NDST3: variants seen among roughly 807,000 people sequenced by gnomAD.
The protein encoded by NDST3 is bifunctional heparan sulfate N-deacetylase/N-sulfotransferase 3.
NDST3 carries 58 observed loss-of-function variants against 96.1 expected under a neutral mutation model. That is an observed-to-expected ratio of 0.60 (90% CI 0.49 to 0.75). The LOEUF (loss-of-function observed/expected upper bound fraction) is 0.75. Ranked by LOEUF, NDST3 falls within the 30% of genes least tolerant of loss-of-function variation. NDST3 has a pLI of 0.00. For synonymous variants in NDST3, 333 were observed against 359.7 expected, an observed-to-expected ratio of 0.93 and a Z score of 0.84; for missense variants, 788 against 1,034.2, an observed-to-expected ratio of 0.76 and a Z score of 3.27.
In NDST3 at chr4:118,054,311, A is replaced by C; in HGVS notation, c.401A>C (p.Glu134Ala). ...MKGKYILIIY[E>A]NILKYINMDS... ...GGCAAATACATTCTCATTATTTATG[A>C]GAATATTTTAAAGTATATAAATATG... Residue 134 changes from glutamate to alanine, a missense_variant, in exon 2 of 14, where the codon GAG (glutamate) becomes GCG (alanine). Physicochemically the swap from Glu to Ala is moderately radical, Grantham distance 107. This residue lies in a region of NDST3 where 234 missense variants were observed against 256.9 expected (regional missense o/e 0.91). Coordinates refer to ENST00000296499, the MANE Select transcript of NDST3 (RefSeq NM_004784.3). 1 of 1,609,886 alleles carries C rather than the reference A, an allele frequency of 6.2e-7. No homozygotes were observed. The highest frequency in any genetic ancestry group is 8.5e-7 in the Non-Finnish European group (1 of 1,177,620).
chr4:118,099,176 G>T (rs1410744096), intron 2 of NDST3, among the ~76,000 whole-genome samples: 1 of 152,050 alleles, frequency 6.6e-6, no homozygotes, highest in Non-Finnish European at 1.5e-5. Context: ...ACTTGTCCAA[G>T]CCTCGTATTA....
chr4:118,071,778 C>A (rs1258634699), intron 2 of NDST3, among the ~76,000 whole-genome samples: 1 of 152,022 alleles, frequency 6.6e-6, no homozygotes, highest in Non-Finnish European at 1.5e-5. Context: ...GAGTATATAT[C>A]CAATAATACG....
chr4:118,205,209 T>C lies in NDST3; in HGVS notation c.1540-19282T>C, dbSNP rs1477331009. Among the ~76,000 whole-genome samples the C allele has an allele frequency of 2.1e-5, 3 of 144,290 alleles. 1 individual carries two copies. The highest frequency in any genetic ancestry group is 6.9e-5 in the Admixed American group (1 of 14,536). The allele number at this position is 144,290 out of a possible 152,430, so 94.7% of individuals were successfully genotyped here. On this transcript the variant is annotated intron_variant, in intron 6 of 13. Transcript: ENST00000296499. ...TTTGTGAATGGGGAAGATTTTCATT[T>C]ATGCAGATGGGCTTGAGATAGACAA...
At chr4:118,050,655 T>C (rs943020687) in intron 1 of NDST3, among the ~76,000 whole-genome samples, 3 of 151,890 alleles carry the variant, frequency 2.0e-5, no homozygotes, top group African/African-American at 4.8e-5. Context: ...TATCTAACAA[T>C]ACAGCTAGCC....
intron 2 of NDST3, among the ~76,000 whole-genome samples, chr4:118,077,451 T>C (rs1017618245): frequency 6.6e-6 from 1 of 152,168 alleles, no homozygotes; most frequent in Admixed American, 6.5e-5. Context: ...GCGGCATGGC[T>C]CTTTGTGCTC....
chr4:118,238,154 GAAAA>G (rs754035065), intron 10 of NDST3, among the ~76,000 whole-genome samples: 6,319 of 72,070 alleles, frequency 0.088, 490 homozygotes, highest in Middle Eastern at 0.14. Context: ...AGAAAAGAAA[GAAAA>G]GAAAGAAAGA....
intron 6 of NDST3, among the ~76,000 whole-genome samples, chr4:118,180,592 G>A (rs1261650715): frequency 6.6e-6 from 1 of 152,088 alleles, no homozygotes; most frequent in Non-Finnish European, 1.5e-5. Context: ...TGGTTAGATA[G>A]GTGACTTTTC....
chr4:118,181,507 G>A (rs1166529370), intron 6 of NDST3, among the ~76,000 whole-genome samples: 1 of 152,142 alleles, frequency 6.6e-6, no homozygotes, highest in Middle Eastern at 3.2e-3. Flanking sequence ...GCATGAGTTT[G>A]AGAAGCTTCA....
At chr4:118,090,095 C>A (rs753650620) in intron 2 of NDST3, among the ~76,000 whole-genome samples, 11 of 151,948 alleles carry the variant, frequency 7.2e-5, no homozygotes, top group Non-Finnish European at 1.6e-4. Context: ...AAAGGACCAT[C>A]TGATCCTCAC....
rs1391009759 is a variant in NDST3 at position 118,054,017 on chromosome 4, G to A, written c.107G>A (p.Gly36Asp). ...ATTTCTGCTTACTACCTGTACAGTG[G>A]CTACAAACAGGAAAATGAACTCTCT... ...IIISAYYLYS[G>D]YKQENELSET... Residue 36 changes from glycine to aspartate, a missense_variant, in exon 2 of 14, where the codon GGC becomes GAC. Physicochemically the swap from Gly to Asp is moderately conservative, Grantham distance 94. Around this residue, in one of 3 missense-constraint regions of NDST3, gnomAD observed 234 missense variants for 256.9 expected, o/e 0.91. Transcript: ENST00000296499. The A allele has an allele frequency of 1.2e-6, 2 of 1,612,712 alleles. No individual in the cohort carries two copies. Among genetic ancestry groups the A allele is most frequent in the Non-Finnish European group, 1.7e-6 (2 of 1,179,188 alleles).
chr4:118,054,954 C>A (rs1276938083), intron 2 of NDST3, 63 bp downstream of exon 2: 53 of 1,587,686 alleles, frequency 3.3e-5, no homozygotes, highest in Non-Finnish European at 4.4e-5. Flanking sequence ...TACAACTATC[C>A]CAGTTTGTAC....
chr4:118,128,441 G>C (rs1311007079), intron 4 of NDST3, among the ~76,000 whole-genome samples: 2 of 152,008 alleles, frequency 1.3e-5, no homozygotes, highest in Non-Finnish European at 1.5e-5. Flanking sequence ...GAATTGAAAT[G>C]ATTGTATGAT....
chr4:118,179,328 T>C (rs1195275414), intron 6 of NDST3, among the ~76,000 whole-genome samples: 1 of 152,070 alleles, frequency 6.6e-6, no homozygotes, highest in Non-Finnish European at 1.5e-5. Flanking sequence ...TTAACATTAG[T>C]ACTGCATAAG....
At chr4:118,224,397 T>C (rs989673155) in intron 6 of NDST3, 94 bp from the exon 7 acceptor site, 3 of 1,154,510 alleles carry the variant, frequency 2.6e-6, no homozygotes, top group African/African-American at 1.6e-5. Context: ...CTGTGCAGAC[T>C]ACTTAAGGAA....
At chr4:118,197,116 A>G (rs1157971906) in intron 6 of NDST3, among the ~76,000 whole-genome samples, 4 of 151,730 alleles carry the variant, frequency 2.6e-5, no homozygotes, top group Non-Finnish European at 5.9e-5. Context: ...GTTCAGGGGC[A>G]TATTGTTTAC....
chr4:118,174,970 T>C (rs1736183179), intron 6 of NDST3, among the ~76,000 whole-genome samples: 1 of 152,076 alleles, frequency 6.6e-6, no homozygotes, highest in African/African-American at 2.4e-5. Context: ...CATTTTATAA[T>C]CCTCATAAGA....
At position 118,053,961 on chromosome 4, in the gene NDST3, G is replaced by T. The variant is rs1306087518; in HGVS notation, c.51G>T (p.Leu17=). The change falls in exon 2 of 14, where the codon CTG becomes CTT. Residue 17 remains leucine, a synonymous_variant. Transcript: ENST00000296499. The part of the protein sequence containing the change: ...LHRHFQRTVI[L]LATFCMVSII... ...GACACTTTCAAAGAACAGTCATTCT[G>T]CTTGCCACTTTTTGTATGGTGAGCA... 1.2e-6 allele frequency: 2 copies of T among 1,611,698 alleles called. No homozygotes were observed. The highest frequency in any genetic ancestry group is 1.1e-5 in the South Asian group (1 of 90,828).
Position 118,224,592 on chromosome 4 carries a change from G to A in NDST3, c.1641G>A (p.Leu547=). 6.2e-7 allele frequency: 1 copy of A among 1,612,886 alleles called. No homozygotes were observed. The highest frequency in any genetic ancestry group is 2.2e-5 in the East Asian group (1 of 44,868). ...LANFVKSWTN[L]RLQTLPPVQL... ...ACTTTGTGAAGAGCTGGACCAACCT[G>A]CGACTTCAGACTCTGCCTCCAGTAC... Residue 547 remains leucine (L), a synonymous_variant, in exon 7 of 14, where the codon CTG becomes CTA. Coordinates refer to ENST00000296499, the MANE Select transcript of NDST3 (RefSeq NM_004784.3).
At chr4:118,250,363 G>A (rs906275602) in intron 12 of NDST3, among the ~76,000 whole-genome samples, 2 of 152,174 alleles carry the variant, frequency 1.3e-5, no homozygotes, top group Non-Finnish European at 2.9e-5. Context: ...ATTCTACTGA[G>A]TGTACAGTGC....
Sources: gnomAD v4.1 joint callset for allele counts (sites outside exome capture counted in the v4.1 genomes callset) on GRCh38, gnomAD v4.1.1 for gene constraint, gnomAD v4.1.1 regional missense constraint, MANE v1.5 for transcripts, NCBI Gene and HGNC (gene_info 2026-07-23, HGNC 2026-07-21) for gene names.